SPAG17: variants seen among roughly 807,000 people sequenced by gnomAD.
SPAG17 encodes sperm-associated antigen 17.
SPAG17 carries 169 observed loss-of-function variants against 273.6 expected under a neutral mutation model. The observed-to-expected ratio is 0.62, with a 90% CI of 0.55 to 0.70. SPAG17 has a LOEUF of 0.70. Ranked by LOEUF, SPAG17 falls within the 30% of genes least tolerant of loss-of-function variation. The pLI, the probability that SPAG17 is intolerant of heterozygous loss-of-function variation, is 0.00. For synonymous variants in SPAG17, 825 were observed against 873.2 expected (o/e 0.94, Z 0.97); for missense variants, 2,557 against 2,627.8 (o/e 0.97, Z 0.59).
Position 118,066,796 on chromosome 1 carries a change from CGTT to C in SPAG17, c.2486_2488del (p.Gln829del). On this transcript the variant is annotated inframe_deletion, in exon 18 of 49. Coordinates refer to ENST00000336338, the MANE Select transcript of SPAG17 (RefSeq NM_206996.4). Reference sequence around the variant, plus strand: ...AATGTTCCAATATTCACAATGCAAACGTTGTCTATTCATTGGATTGTGAAAGAC... The same window carrying C: ...AATGTTCCAATATTCACAATGCAAACGTCTATTCATTGGATTGTGAAAGAC... 6.2e-7 allele frequency: 1 copy of C among 1,613,594 alleles called. No individual in the cohort carries two copies. Among genetic ancestry groups the C allele is most frequent in the Non-Finnish European group, 8.5e-7 (1 of 1,179,746 alleles).
At chr1:118,058,298 C>T (rs1474770117) in intron 18 of SPAG17, among the ~76,000 whole-genome samples, 1 of 152,096 alleles carries the variant, frequency 6.6e-6, no homozygotes. Context: ...GCCTCAAACT[C>T]CTGGGCTTGA....
At chr1:118,013,275 A>G (rs2101786677) in intron 29 of SPAG17, among the ~76,000 whole-genome samples, 1 of 152,312 alleles carries the variant, frequency 6.6e-6, no homozygotes, top group Admixed American at 6.5e-5. Context: ...TGAGTTTGCT[A>G]GCTGTTTTCT....
intron 4 of SPAG17, among the ~76,000 whole-genome samples, chr1:118,112,026 AT>A (rs1656791772): frequency 6.6e-6 from 1 of 152,204 alleles, no homozygotes; most frequent in Admixed American, 6.6e-5. Context: ...CTGTACAAAC[AT>A]TCTGAACTAA....
intron 6 of SPAG17, among the ~76,000 whole-genome samples, chr1:118,098,878 G>A (rs1413316908): frequency 6.6e-6 from 1 of 152,028 alleles, no homozygotes; most frequent in Admixed American, 6.6e-5. Context: ...ATAAAAATTG[G>A]GATGTGGCTG....
chr1:117,956,240 A>G (rs1652174957), intron 48 of SPAG17, among the ~76,000 whole-genome samples: 1 of 152,144 alleles, frequency 6.6e-6, no homozygotes, highest in South Asian at 2.1e-4. Context: ...ATTTTGGGAC[A>G]CTTGAGACCA....
At chr1:117,994,690 A>T (rs1343204799) in intron 34 of SPAG17, among the ~76,000 whole-genome samples, 160 bp from the exon 35 acceptor site, 1 of 152,140 alleles carries the variant, frequency 6.6e-6, no homozygotes, top group Non-Finnish European at 1.5e-5. Flanking sequence ...CAATCAAATA[A>T]GAAGGATGAA....
chr1:118,020,358 T>C (rs1223470418), intron 28 of SPAG17, among the ~76,000 whole-genome samples: 1 of 151,110 alleles, frequency 6.6e-6, no homozygotes, highest in East Asian at 1.9e-4. Flanking sequence ...TGCTTGAATG[T>C]GGGAAGTGGA....
At chr1:118,146,742 G>A (rs1237303659) in intron 3 of SPAG17, among the ~76,000 whole-genome samples, 1 of 152,110 alleles carries the variant, frequency 6.6e-6, no homozygotes, top group African/African-American at 2.4e-5. Context: ...GGTGCTATAG[G>A]TTTACCTTTG....
intron 1 of SPAG17, among the ~76,000 whole-genome samples, chr1:118,169,704 A>C (rs983232061): frequency 1.3e-5 from 2 of 152,104 alleles, no homozygotes; most frequent in Non-Finnish European, 2.9e-5. Context: ...TCTATATATA[A>C]CTTTCCTTAT....
intron 32 of SPAG17, among the ~76,000 whole-genome samples, chr1:118,002,712 T>C (rs1032578853): frequency 6.6e-6 from 1 of 152,214 alleles, no homozygotes; most frequent in African/African-American, 2.4e-5. Flanking sequence ...TTTGAGCCTA[T>C]GTGTGTCTTT....
intron 3 of SPAG17, among the ~76,000 whole-genome samples, chr1:118,138,177 C>T (rs141110421): frequency 0.014 from 2,160 of 152,266 alleles, 21 homozygotes; most frequent in South Asian, 0.033. Context: ...ATTATAACCA[C>T]GGCTTAAATA....
intron 37 of SPAG17, 98 bp downstream of exon 37, chr1:117,991,317 G>T (rs1304629489): frequency 4.5e-6 from 3 of 662,268 alleles, no homozygotes; most frequent in Non-Finnish European, 2.4e-6. Context: ...AATGCTTCAT[G>T]GAAGTGGCAG....
chr1:118,165,837 G>A (rs909325089), intron 1 of SPAG17, among the ~76,000 whole-genome samples: 3 of 151,890 alleles, frequency 2.0e-5, no homozygotes, highest in African/African-American at 7.3e-5. Flanking sequence ...TAGAGACGGG[G>A]TTTCACTGTG....
chr1:118,006,735 T>A (rs1320959812), intron 31 of SPAG17, among the ~76,000 whole-genome samples: 2 of 152,018 alleles, frequency 1.3e-5, no homozygotes, highest in African/African-American at 4.8e-5. Flanking sequence ...CATCAGCAAT[T>A]TCTGAGGGTT....
At chr1:118,169,097 G>A (rs1660302567) in intron 1 of SPAG17, among the ~76,000 whole-genome samples, 1 of 152,162 alleles carries the variant, frequency 6.6e-6, no homozygotes, top group African/African-American at 2.4e-5. Context: ...CTAGGATGTT[G>A]CCAAACTCAT....
At chr1:118,064,988 G>A (rs1363201069) in intron 18 of SPAG17, among the ~76,000 whole-genome samples, 1 of 151,636 alleles carries the variant, frequency 6.6e-6, no homozygotes, top group Non-Finnish European at 1.5e-5. Context: ...ACAAGATGCT[G>A]GCAAAATTAA....
intron 18 of SPAG17, among the ~76,000 whole-genome samples, chr1:118,064,008 G>A (rs934712003): frequency 1.3e-5 from 2 of 152,170 alleles, no homozygotes; most frequent in Non-Finnish European, 2.9e-5. Flanking sequence ...CTGGTCATCA[G>A]AGAAATGCAA....
chr1:118,077,480 G>T (rs1210036388), intron 15 of SPAG17, among the ~76,000 whole-genome samples: 3 of 152,030 alleles, frequency 2.0e-5, no homozygotes, highest in Non-Finnish European at 2.9e-5. Flanking sequence ...ACCAATTTAT[G>T]TAGTTTGACC....
At chr1:118,137,852 T>A (rs549865546) in intron 3 of SPAG17, among the ~76,000 whole-genome samples, 1 of 152,342 alleles carries the variant, frequency 6.6e-6, no homozygotes, top group East Asian at 1.9e-4. Context: ...TATACCCATG[T>A]TTACTTTGGT....
Sources: gnomAD v4.1 joint callset for allele counts (sites outside exome capture counted in the v4.1 genomes callset) on GRCh38, gnomAD v4.1.1 for gene constraint, MANE v1.5 for transcripts, NCBI Gene and HGNC (gene_info 2026-07-23, HGNC 2026-07-21) for gene names.